The following GRM8 variants were observed in gnomAD, a reference collection of about 807,000 sequenced individuals.
The protein encoded by GRM8 is metabotropic glutamate receptor 8.
In GRM8, 47 loss-of-function variants were observed where a neutral mutation model predicts 87.2. The ratio of observed to expected loss-of-function variants is 0.54; its 90% CI spans 0.43 to 0.69. GRM8 has a LOEUF of 0.69. Ranked by LOEUF, GRM8 falls within the 30% of genes least tolerant of loss-of-function variation. The pLI is 0.00. For synonymous variants in GRM8, 396 were observed against 404.5 expected (o/e 0.98, Z 0.25); for missense variants, 1,019 against 1,139.2 (o/e 0.89, Z 1.52).
chr7:126,509,447 C>T (rs1446208094), intron 9 of GRM8, among the ~76,000 whole-genome samples: 1 of 151,856 alleles, frequency 6.6e-6, no homozygotes, highest in Non-Finnish European at 1.5e-5. Context: ...GAATAAAAGC[C>T]CACATTCAGT....
Position 126,900,423 on chromosome 7 carries a change from T to C in GRM8, c.1156+2119A>G, listed in dbSNP as rs1267888515. ...TGGTTGTTATATAAACACAACACTA[T>C]GTAGCGTTAGATAAATATAACACTA... On this transcript the variant is annotated intron_variant, in intron 6 of 10. Transcript: ENST00000339582. Among the ~76,000 whole-genome samples, 3 of 152,224 alleles carry C rather than the reference T, an allele frequency of 2.0e-5. No homozygotes were observed. The East Asian group carries it at 5.8e-4, about 29-fold the overall frequency.
intron 6 of GRM8, among the ~76,000 whole-genome samples, chr7:126,814,420 T>A (rs1793580847): frequency 6.6e-6 from 1 of 152,090 alleles, no homozygotes; most frequent in Non-Finnish European, 1.5e-5. Context: ...GTTTCATAAC[T>A]AAAGAAGCAA....
chr7:126,714,809 T>A (rs934736634), intron 7 of GRM8, among the ~76,000 whole-genome samples: 3 of 152,056 alleles, frequency 2.0e-5, no homozygotes, highest in African/African-American at 7.2e-5. Context: ...AACACATATT[T>A]TATATGATAT....
At chr7:127,159,853 T>C (rs1792988927) in intron 2 of GRM8, among the ~76,000 whole-genome samples, 1 of 151,926 alleles carries the variant, frequency 6.6e-6, no homozygotes, top group Non-Finnish European at 1.5e-5. Context: ...AAATGCTGAA[T>C]TCCTCCCTGA....
intron 6 of GRM8, among the ~76,000 whole-genome samples, chr7:126,850,592 A>G (rs1045282808): frequency 2.0e-5 from 3 of 152,204 alleles, no homozygotes; most frequent in African/African-American, 7.2e-5. Flanking sequence ...AAGGAAGGGA[A>G]GTTTCACTGT....
intron 7 of GRM8, among the ~76,000 whole-genome samples, chr7:126,760,725 G>A (rs1035689861): frequency 1.3e-5 from 2 of 152,022 alleles, no homozygotes; most frequent in Non-Finnish European, 2.9e-5. Context: ...TATTTCTAAT[G>A]AGACAATTAT....
intron 7 of GRM8, among the ~76,000 whole-genome samples, chr7:126,628,193 G>A (rs12536593): frequency 0.13 from 19,698 of 151,990 alleles, 1,680 homozygotes; most frequent in Non-Finnish European, 0.17. Context: ...GATTACAGGC[G>A]TGTGCCACCA....
chr7:126,864,407 T>A lies in GRM8; in HGVS notation c.1156+38135A>T, dbSNP rs112591289. Among the ~76,000 whole-genome samples the A allele has an allele frequency of 2.4e-3, 362 of 152,266 alleles. 3 individuals carry two copies. The highest frequency in any genetic ancestry group is 8.3e-3 in the African/African-American group (346 of 41,556). ...ACAGCTCTATTTCCATATTTCTAGGTCTACGTATTCCATCATGGGTGATTT... is the reference window on the plus strand; with the variant it reads ...ACAGCTCTATTTCCATATTTCTAGGACTACGTATTCCATCATGGGTGATTT... On this transcript the variant is annotated intron_variant, in intron 6 of 10. Coordinates refer to ENST00000339582, the MANE Select transcript of GRM8 (RefSeq NM_000845.3).
chr7:127,014,937 GAGAGAGAA>G lies in GRM8; in HGVS notation c.727+91551_727+91558del, dbSNP rs371259016. Among the ~76,000 whole-genome samples the G allele has an allele frequency of 9.8e-3, 1,339 of 137,166 alleles. 37 individuals are homozygous for G. Among genetic ancestry groups the G allele is most frequent in the African/African-American group, 0.034 (1,239 of 36,164 alleles). 90.0% of individuals were successfully genotyped at this position (137,166 alleles called of 152,430 possible). On this transcript the variant is annotated intron_variant, in intron 3 of 10. Coordinates refer to ENST00000339582, the MANE Select transcript of GRM8 (RefSeq NM_000845.3). ...GAAAGGAAAGAGAAGGAGAGAGAGA[GAGAGAGAA>G]AGAGAGAGAGAAGAAGAAGAAGAGG...
chr7:126,504,221 G>A (rs1019863666), intron 9 of GRM8, among the ~76,000 whole-genome samples: 3 of 151,962 alleles, frequency 2.0e-5, no homozygotes, highest in African/African-American at 4.8e-5. Flanking sequence ...ATTATCAAAT[G>A]TTTTATAATG....
At chr7:126,906,815 G>A (rs879933701) in intron 3 of GRM8, among the ~76,000 whole-genome samples, 2 of 152,116 alleles carry the variant, frequency 1.3e-5, no homozygotes, top group Non-Finnish European at 2.9e-5. Context: ...CCAGGGGTGG[G>A]AATTGCCCAT....
intron 2 of GRM8, among the ~76,000 whole-genome samples, chr7:127,163,343 C>T (rs17867779): frequency 0.012 from 1,823 of 152,190 alleles, 25 homozygotes; most frequent in East Asian, 0.056. Flanking sequence ...AATTGAGTTA[C>T]GTATAACACC....
chr7:127,145,834 C>A (rs989627005), intron 2 of GRM8, among the ~76,000 whole-genome samples: 1 of 152,084 alleles, frequency 6.6e-6, no homozygotes, highest in African/African-American at 2.4e-5. Context: ...TTCTATATTG[C>A]ATGCAACATA....
chr7:126,711,846 T>G (rs1811127261), intron 7 of GRM8, among the ~76,000 whole-genome samples: 1 of 152,242 alleles, frequency 6.6e-6, no homozygotes, highest in South Asian at 2.1e-4. Context: ...TCCTCTCCAC[T>G]ATCAGCCTTC....
chr7:126,535,485 A>G (rs1220644447), intron 8 of GRM8, among the ~76,000 whole-genome samples: 1 of 152,216 alleles, frequency 6.6e-6, no homozygotes. Flanking sequence ...TTATAGCTCC[A>G]TGACTGTTCC....
intron 9 of GRM8, among the ~76,000 whole-genome samples, chr7:126,494,264 T>G (rs1448238403): frequency 1.3e-5 from 2 of 152,030 alleles, no homozygotes; most frequent in Non-Finnish European, 1.5e-5. Flanking sequence ...TTGTCACCAT[T>G]TTTTAAAGTT....
At chr7:126,541,829 G>A (rs1301054521) in intron 8 of GRM8, among the ~76,000 whole-genome samples, 3 of 152,148 alleles carry the variant, frequency 2.0e-5, no homozygotes, top group African/African-American at 4.8e-5. Context: ...TAAATACTTC[G>A]TTAGTGCTAA....
chr7:126,999,011 T>A (rs1813454001), intron 3 of GRM8, among the ~76,000 whole-genome samples: 1 of 151,926 alleles, frequency 6.6e-6, no homozygotes, highest in South Asian at 2.1e-4. Context: ...TAAATTATAC[T>A]ACAGGGCAAT....
chr7:126,929,925 GT>G (rs1805587243), intron 3 of GRM8, among the ~76,000 whole-genome samples: 1 of 151,932 alleles, frequency 6.6e-6, no homozygotes. Flanking sequence ...AAATTCCCCT[GT>G]TTGGGAGATA....
Sources: allele counts gnomAD v4.1 joint callset (sites outside exome capture counted in the v4.1 genomes callset), GRCh38; gene constraint gnomAD v4.1.1; transcripts MANE v1.5; gene names NCBI Gene and HGNC (gene_info 2026-07-23, HGNC 2026-07-21).